Variants in SMAD6 observed in about 807,000 individuals in gnomAD.
The protein encoded by SMAD6 is SMAD family member 6, also known as MAD homolog 6.
SMAD6 carries 103 observed loss-of-function variants against 39.4 expected under a neutral mutation model. The observed-to-expected ratio is 2.62, with a 90% CI of 2.23 to 3.08. SMAD6 has a LOEUF of 3.08. Ranked by LOEUF, SMAD6 falls within the 30% of genes most tolerant of loss-of-function variation. The pLI is 0.00. For missense variants in SMAD6, 1,104 were observed against 742.9 expected, an observed-to-expected ratio of 1.49 and a Z score of -5.65; for synonymous variants, 445 against 353.3, an observed-to-expected ratio of 1.26 and a Z score of -2.91.
chr15:66,773,137 T>G (rs1357461056), intron 3 of SMAD6, among the ~76,000 whole-genome samples: 1 of 150,364 alleles, frequency 6.7e-6, no homozygotes, highest in East Asian at 2.0e-4. Flanking sequence ...CCGCCCGTGA[T>G]GTAATGACCG....
chr15:66,714,112 C>G (rs750572376), intron 2 of SMAD6, among the ~76,000 whole-genome samples: 3 of 152,148 alleles, frequency 2.0e-5, no homozygotes, highest in Non-Finnish European at 2.9e-5. Flanking sequence ...CTCAAAAGTT[C>G]TTAGTGAAAG....
intron 3 of SMAD6, among the ~76,000 whole-genome samples, chr15:66,730,276 C>T (rs920996426): frequency 6.6e-6 from 1 of 152,176 alleles, no homozygotes; most frequent in Non-Finnish European, 1.5e-5. Flanking sequence ...GCTGGTTCCT[C>T]TCTTTCTGAC....
intron 3 of SMAD6, among the ~76,000 whole-genome samples, chr15:66,746,734 C>A (rs1323496289): frequency 6.6e-6 from 1 of 152,148 alleles, no homozygotes; most frequent in Non-Finnish European, 1.5e-5. Context: ...GCACGATAAT[C>A]AAACTGCTCA....
intron 3 of SMAD6, among the ~76,000 whole-genome samples, chr15:66,745,739 A>T (rs1893896308): frequency 6.6e-6 from 1 of 152,186 alleles, no homozygotes; most frequent in Admixed American, 6.5e-5. Context: ...TTGCTGTGTG[A>T]CCTTGGACAA....
rs1287662543 is a variant in SMAD6 at position 66,763,392 on chromosome 15, T to C, written c.953-17605T>C. On this transcript the variant is annotated intron_variant, in intron 3 of 3. Transcript: ENST00000288840. ...ACACAGGCAGTTGCTCCTGACTTGG[T>C]GCCCTTGGGGACTGGCCCAGCCGGA... Among the ~76,000 whole-genome samples the C allele has an allele frequency of 2.0e-5, 3 of 152,202 alleles. No individual in the cohort carries two copies. The East Asian group carries it at 5.8e-4, about 29-fold the overall frequency.
intron 3 of SMAD6, among the ~76,000 whole-genome samples, chr15:66,778,482 G>A (rs2140678360): frequency 6.6e-6 from 1 of 152,294 alleles, no homozygotes; most frequent in Non-Finnish European, 1.5e-5. Flanking sequence ...CTGGGCAGCT[G>A]TCTCAGAGCC....
chr15:66,719,742 T>C (rs1483266573), intron 3 of SMAD6, among the ~76,000 whole-genome samples: 1 of 152,110 alleles, frequency 6.6e-6, no homozygotes, highest in East Asian at 1.9e-4. Context: ...CAAGGAGGCA[T>C]GAGTGGGCAG....
At chr15:66,744,722 C>T (rs529339258) in intron 3 of SMAD6, among the ~76,000 whole-genome samples, 1 of 152,306 alleles carries the variant, frequency 6.6e-6, no homozygotes, top group East Asian at 1.9e-4. Context: ...AATCCAAGAA[C>T]GTTGGTAGAG....
intron 3 of SMAD6, among the ~76,000 whole-genome samples, chr15:66,745,686 A>AT (rs1263463291): frequency 1.3e-5 from 2 of 152,228 alleles, no homozygotes; most frequent in Non-Finnish European, 2.9e-5. Context: ...GTGGCCTGGC[A>AT]TAAGACCCAG....
chr15:66,715,779 AAAG>A (rs1327942986), intron 2 of SMAD6, among the ~76,000 whole-genome samples: 1 of 151,888 alleles, frequency 6.6e-6, no homozygotes, highest in African/African-American at 2.4e-5. Context: ...AAAAAAAAAA[AAAG>A]AACGCCTTAA....
intron 2 of SMAD6, 120 bp downstream of exon 2, chr15:66,711,844 C>T (rs1893238283): frequency 1.2e-6 from 1 of 806,246 alleles, no homozygotes; most frequent in Non-Finnish European, 2.1e-6. Flanking sequence ...GGGGTGAAAG[C>T]CGGACTGGTT....
chr15:66,713,202 G>C (rs6650526), intron 2 of SMAD6, among the ~76,000 whole-genome samples: 1 of 152,210 alleles, frequency 6.6e-6, no homozygotes, highest in Non-Finnish European at 1.5e-5. Context: ...TTAAAAGTCA[G>C]ATGGCGTGGC....
At chr15:66,753,310 CCAG>C (rs1450549403) in intron 3 of SMAD6, among the ~76,000 whole-genome samples, 1 of 152,164 alleles carries the variant, frequency 6.6e-6, no homozygotes, top group Non-Finnish European at 1.5e-5. Flanking sequence ...AGTGCCCATC[CCAG>C]CCTGCCCTCC....
At chr15:66,711,331 C>A (rs1484112971) in intron 1 of SMAD6, among the ~76,000 whole-genome samples, 3 of 152,178 alleles carry the variant, frequency 2.0e-5, no homozygotes, top group Non-Finnish European at 2.9e-5. Flanking sequence ...AAGAGCTGCA[C>A]TAAGCATTTT....
At chr15:66,726,307 T>G (rs1893520518) in intron 3 of SMAD6, among the ~76,000 whole-genome samples, 1 of 151,924 alleles carries the variant, frequency 6.6e-6, no homozygotes, top group Non-Finnish European at 1.5e-5. Flanking sequence ...CACAGAGGGG[T>G]CCACTGCCCC....
chr15:66,774,483 C>G (rs1032921538), intron 3 of SMAD6, among the ~76,000 whole-genome samples: 6 of 152,070 alleles, frequency 3.9e-5, no homozygotes, highest in African/African-American at 1.5e-4. Context: ...ATTGTTGGGA[C>G]CAGTCACCAC....
intron 3 of SMAD6, among the ~76,000 whole-genome samples, chr15:66,776,998 C>T (rs923191786): frequency 6.6e-6 from 1 of 152,298 alleles, no homozygotes; most frequent in African/African-American, 2.4e-5. Flanking sequence ...GACTGCACCA[C>T]AGTACTTCTG....
At chr15:66,711,623 G>C in intron 1 of SMAD6, 45 bp from the exon 2 acceptor site, 1 of 1,479,322 alleles carries the variant, frequency 6.8e-7, no homozygotes. Flanking sequence ...CCTGAGGTGT[G>C]AGCTCCCCAA....
In SMAD6 at chr15:66,703,269, C is replaced by A; in HGVS notation, c.11C>A (p.Ser4Tyr). 6.8e-7 allele frequency: 1 copy of A among 1,479,084 alleles called. No individual in the cohort carries two copies. Among genetic ancestry groups the A allele is most frequent in the Non-Finnish European group, 9.0e-7 (1 of 1,113,854 alleles). The allele number at this position is 1,479,084 out of a possible 1,614,324, so 91.6% of individuals were successfully genotyped here. A position where few individuals can be genotyped will look rare whatever the true frequency, so the allele number is the denominator to read the frequency against. Residue 4 changes from serine (S) to tyrosine (Y), a missense_variant, in exon 1 of 4, where the codon TCC becomes TAC. By Grantham distance (144) the Ser-to-Tyr change is moderately radical (BLOSUM62 -2). Transcript: ENST00000288840. Reference protein sequence around the residue: MFRSKRSGLVRRLW... With the variant: MFRYKRSGLVRRLW... The stretch of plus-strand genomic sequence containing the variant: ...GCCAAAGGATATCGTATGTTCAGGT[C>A]CAAACGCTCGGGGCTGGTGCGGCGA...
Sources: gnomAD v4.1 joint callset for allele counts (sites outside exome capture counted in the v4.1 genomes callset) on GRCh38, gnomAD v4.1.1 for gene constraint, MANE v1.5 for transcripts, NCBI Gene and HGNC (gene_info 2026-07-23, HGNC 2026-07-21) for gene names.